The following CSK variants were observed in gnomAD, a reference collection of about 807,000 sequenced individuals.
The protein encoded by CSK is tyrosine-protein kinase CSK.
In CSK, 7 loss-of-function variants were observed where a neutral mutation model predicts 62.3. That is an observed-to-expected ratio of 0.11 (90% CI 0.06 to 0.21). The LOEUF is 0.21. Ranked by LOEUF, CSK falls within the 10% of genes least tolerant of loss-of-function variation. CSK has a pLI of 1.00. For synonymous variants in CSK, 237 were observed against 246.0 expected, an observed-to-expected ratio of 0.96 and a Z score of 0.34; for missense variants, 294 against 613.5, an observed-to-expected ratio of 0.48 and a Z score of 5.50.
At chr15:74,788,954 G>T (rs545610487) in intron 1 of CSK, among the ~76,000 whole-genome samples, 1 of 152,342 alleles carries the variant, frequency 6.6e-6, no homozygotes, top group African/African-American at 2.4e-5. Flanking sequence ...GCGCACATAG[G>T]TAATTAGGCT....
Position 74,801,842 on chromosome 15 carries a change from G to C in CSK, c.1035G>C (p.Thr345=). The C allele has an allele frequency of 6.2e-7, 1 of 1,613,482 alleles. No individual in the cohort carries two copies. Among genetic ancestry groups the C allele is most frequent in the Non-Finnish European group, 8.5e-7 (1 of 1,179,808 alleles). Residue 345 remains threonine, a synonymous_variant, in exon 11 of 13, where the codon ACG becomes ACC. Transcript: ENST00000220003. ...AGGAGGCGTCCAGCACCCAGGACAC[G>C]GGCAAGCTGCCAGTCAAGTGGACAG... ...LTKEASSTQD[T]GKLPVKWTAP... is the part of the protein sequence containing the mutation.
At chr15:74,792,525 A>G (rs559818942) in intron 1 of CSK, among the ~76,000 whole-genome samples, 1 of 152,308 alleles carries the variant, frequency 6.6e-6, no homozygotes, top group East Asian at 1.9e-4. Flanking sequence ...ATGTTCCTGC[A>G]CTGTTCCATA....
rs965316334 is a variant in CSK at position 74,802,553 on chromosome 15, A to C, written c.*40A>C. On this transcript the variant is annotated 3_prime_UTR_variant, in exon 13 of 13. Coordinates refer to ENST00000220003, the MANE Select transcript of CSK (RefSeq NM_004383.3). ...CTGGGTCATGGGCCTGTGGGGACTG[A>C]ACCTGGAAGATCATGGACCTGGTGC... 6.3e-7 allele frequency: 1 copy of C among 1,596,558 alleles called. No homozygotes were observed. Among genetic ancestry groups the C allele is most frequent in the African/African-American group, 1.4e-5 (1 of 73,836 alleles).
At chr15:74,797,566 T>C (rs898940194) in intron 1 of CSK, among the ~76,000 whole-genome samples, 1 of 152,054 alleles carries the variant, frequency 6.6e-6, no homozygotes, top group African/African-American at 2.4e-5. Flanking sequence ...TATTTAATGG[T>C]TGGAGTTTGT....
Position 74,789,438 on chromosome 15 carries a change from T to C in CSK, c.-66+6718T>C, listed in dbSNP as rs1230663089. Among the ~76,000 whole-genome samples, 6 of 152,226 alleles carry C rather than the reference T, an allele frequency of 3.9e-5. No homozygotes were observed. The South Asian group carries it at 1.2e-3, about 31-fold the overall frequency. On this transcript the variant is annotated intron_variant, in intron 1 of 12. Coordinates refer to ENST00000220003, the MANE Select transcript of CSK (RefSeq NM_004383.3). ...TCCTTGCCTGATGTGTGGTGGGGAA[T>C]GTCACAGTGCCTCAGCCTGGTGTCC... is the stretch of plus-strand genomic sequence containing the variant.
chr15:74,799,029 C>CATGGGTGTTGGGG, intron 4 of CSK, 91 bp downstream of exon 4: 4 of 1,225,100 alleles, frequency 3.3e-6, no homozygotes, highest in Non-Finnish European at 4.4e-6. Flanking sequence ...GAGTGAGGGG[C>CATGGGTGTTGGGG]TTGGGTGTTG....
rs1193764199 is a variant in CSK at position 74,798,286 on chromosome 15, G to A, written c.-12G>A. Reference sequence around the variant, plus strand: ...TTTACTGTGACTCGGGGACGCCAGAGCTCCTGAGAAGATGTCAGCAATACA... The same window carrying A: ...TTTACTGTGACTCGGGGACGCCAGAACTCCTGAGAAGATGTCAGCAATACA... On this transcript the variant is annotated 5_prime_UTR_variant, in exon 2 of 13. Transcript: ENST00000220003. This position sits in a 1 kb window ranked among gnomAD's most constrained non-coding sequence, Gnocchi z 6.6. The A allele has an allele frequency of 6.4e-7, 1 of 1,563,936 alleles. No individual in the cohort carries two copies. Among genetic ancestry groups the A allele is most frequent in the South Asian group, 1.2e-5 (1 of 82,496 alleles).
At chr15:74,783,309 G>A (rs12439944) in intron 1 of CSK, among the ~76,000 whole-genome samples, 11 of 152,278 alleles carry the variant, frequency 7.2e-5, no homozygotes, top group African/African-American at 2.6e-4. Context: ...CCGGGGGGAG[G>A]TAACGGAGCA....
At chr15:74,793,848 G>T (rs188067240) in intron 1 of CSK, among the ~76,000 whole-genome samples, 3 of 152,176 alleles carry the variant, frequency 2.0e-5, no homozygotes, top group Non-Finnish European at 4.4e-5. Flanking sequence ...GCGCCCCCCT[G>T]TGGTGGCAGG....
chr15:74,799,878 A>G (rs950241312), intron 5 of CSK, among the ~76,000 whole-genome samples: 41 of 152,300 alleles, frequency 2.7e-4, no homozygotes, highest in African/African-American at 8.9e-4. Context: ...GTGCAGAAAC[A>G]TGAGCCATGC....
chr15:74,800,927 G>T lies in CSK; in HGVS notation c.722+5G>T, dbSNP rs1369475201. On this transcript the variant is annotated splice_donor_5th_base_variant and intron_variant, in intron 8 of 12. Transcript: ENST00000220003. Reference sequence around the variant, plus strand: ...GGCTGAAGCCTCAGTCATGACGTGAGTGGGGGCGGGGTAGGGGGGAGGTTG... The same window carrying T: ...GGCTGAAGCCTCAGTCATGACGTGATTGGGGGCGGGGTAGGGGGGAGGTTG... The T allele has an allele frequency of 6.2e-7, 1 of 1,613,010 alleles. No individual in the cohort carries two copies. Among genetic ancestry groups the T allele is most frequent in the Admixed American group, 1.7e-5 (1 of 60,024 alleles).
chr15:74,795,678 T>G lies in CSK; in HGVS notation c.-65-2555T>G, dbSNP rs374992447. ...ATGGGGTTGGCTAGGGTAGCTTTTT[T>G]GGGGAGTCAACTTTATTGAAGTAAA... On this transcript the variant is annotated intron_variant, in intron 1 of 12. Coordinates refer to ENST00000220003, the MANE Select transcript of CSK (RefSeq NM_004383.3). 1.3e-3 allele frequency among the ~76,000 whole-genome samples: 201 copies of G among 152,250 alleles called. 1 individual carries two copies. The highest frequency in any genetic ancestry group is 4.6e-3 in the African/African-American group (189 of 41,536).
rs201857254 is a variant in CSK, at chr15:74,798,620, C to G, written c.21C>G (p.Ala7=). Residue 7 remains alanine, a synonymous_variant, in exon 3 of 13, where the codon GCC becomes GCG. Transcript: ENST00000220003. The surrounding 1 kb of genome is among the most constrained non-coding windows in gnomAD (Gnocchi z 6.6). The stretch of plus-strand genomic sequence containing the variant: ...ACGTGTCACCTGCCTTGCAGGCCGC[C>G]TGGCCATCCGGTACAGAATGTATTG... MSAIQA[A]WPSGTECIAK... 3 of 1,613,270 alleles carry G rather than the reference C, an allele frequency of 1.9e-6. No homozygotes were observed. Among genetic ancestry groups the G allele is most frequent in the Non-Finnish European group, 2.5e-6 (3 of 1,179,926 alleles).
At chr15:74,786,002 C>CTCTTTTTTTTTT (rs397829139) in intron 1 of CSK, among the ~76,000 whole-genome samples, 1 of 73,620 alleles carries the variant, frequency 1.4e-5, no homozygotes, top group African/African-American at 6.3e-5. Flanking sequence ...CTCTCTCTCT[C>CTCTTTTTTTTTT]TTTTTTTTTT....
At chr15:74,799,606 C>T in intron 5 of CSK, 115 bp downstream of exon 5, 3 of 1,103,284 alleles carry the variant, frequency 2.7e-6, no homozygotes, top group Non-Finnish European at 3.9e-6. Flanking sequence ...CCATGTGGGG[C>T]AACTTCTGTG....
At chr15:74,799,047 C>A in intron 4 of CSK, 109 bp downstream of exon 4, 1 of 1,120,702 alleles carries the variant, frequency 8.9e-7, no homozygotes, top group Non-Finnish European at 1.2e-6. Flanking sequence ...TTGGGGAGGG[C>A]CTCAGGAGGA....
Position 74,782,467 on chromosome 15 carries a change from ACATT to A in CSK, c.-318_-315del, listed in dbSNP as rs1269423107. 1 of 151,308 alleles carries A rather than the reference ACATT, an allele frequency of 6.6e-6. No individual in the cohort carries two copies. 9.4% of individuals were successfully genotyped at this position (151,308 alleles called of 1,614,324 possible). A position where few individuals can be genotyped will look rare whatever the true frequency, so the allele number is the denominator to read the frequency against. ...GAACTCTGCCGGGGCCGCGCCGGCT[ACATT>A]GTTTCCTCCCCCCGACTCCCTCCCG... is the stretch of plus-strand genomic sequence containing the variant. On this transcript the variant is annotated 5_prime_UTR_variant, in exon 1 of 13. Transcript: ENST00000220003. The surrounding 1 kb of genome is among the most constrained non-coding windows in gnomAD (Gnocchi z 5.7).
At chr15:74,791,010 TA>T (rs1445537558) in intron 1 of CSK, 5 of 152,318 alleles carry the variant, frequency 3.3e-5, no homozygotes, top group Admixed American at 3.3e-4. Flanking sequence ...CATGTGGCTT[TA>T]AAAAAATAAT....
At chr15:74,783,644 T>A (rs1037029189) in intron 1 of CSK, among the ~76,000 whole-genome samples, 1 of 151,878 alleles carries the variant, frequency 6.6e-6, no homozygotes, top group Admixed American at 6.6e-5. Flanking sequence ...AGAGGGACCT[T>A]GTTGGTTGAG....
Sources: allele counts gnomAD v4.1 joint callset (sites outside exome capture counted in the v4.1 genomes callset), GRCh38; gene constraint gnomAD v4.1.1; non-coding constraint Gnocchi (gnomAD v3.1); transcripts MANE v1.5; gene names NCBI Gene and HGNC (gene_info 2026-07-23, HGNC 2026-07-21).